C19orf18: variants seen among roughly 807,000 people sequenced by gnomAD.
The protein encoded by C19orf18 is chromosome 19 open reading frame 18, also known as uncharacterized protein C19orf18.
A neutral mutation model predicts 23.3 loss-of-function variants in C19orf18; 21 were observed. That is an observed-to-expected ratio of 0.90 (90% confidence interval 0.64 to 1.30). The LOEUF (loss-of-function observed/expected upper bound fraction) is 1.30, where lower values mean the gene tolerates loss of function less well. C19orf18 is among the 50% of genes most tolerant of loss of function. The probability of loss-of-function intolerance (pLI) is 0.00; values close to 1 mark genes in which losing one functional copy is unlikely to be tolerated. For synonymous variants in C19orf18, 96 were observed against 95.2 expected, an observed-to-expected ratio of 1.01 and a Z score of -0.05; for missense variants, 249 against 259.6, an observed-to-expected ratio of 0.96 and a Z score of 0.28.
intron 3 of C19orf18, among the ~76,000 whole-genome samples, chr19:57,969,413 G>A (rs1034338556): frequency 2.0e-5 from 3 of 150,886 alleles, no homozygotes; most frequent in Admixed American, 6.6e-5. Flanking sequence ...AAATTAGCCG[G>A]GTGTGGTGGT....
chr19:57,966,763 G>GT (rs11366837), intron 3 of C19orf18, 131 bp from the exon 4 acceptor site: 1,383 of 582,044 alleles, frequency 2.4e-3, no homozygotes, highest in East Asian at 2.8e-3. Flanking sequence ...AGCTTGTTTT[G>GT]TTTTTTTTTG....
At chr19:57,961,284 A>C (rs1479524716) in intron 5 of C19orf18, 107 bp downstream of exon 5, 1 of 1,165,106 alleles carries the variant, frequency 8.6e-7, no homozygotes. Flanking sequence ...GAAAGGAAAG[A>C]AAGAAAGAAA....
At position 57,966,076 on chromosome 19, in the gene C19orf18, C is replaced by T. The variant is rs559359543; in HGVS notation, c.371+454G>A. ...CACTGCAAGCTCCGCCTCCCGGGTTCACACCATTCTCCTGCCTCAGCCTCC... is the reference window on the plus strand; with the variant it reads ...CACTGCAAGCTCCGCCTCCCGGGTTTACACCATTCTCCTGCCTCAGCCTCC... On this transcript the variant is annotated intron_variant, in intron 4 of 5. Transcript: ENST00000314391. Among the ~76,000 whole-genome samples the T allele has an allele frequency of 2.1e-3, 313 of 151,540 alleles. 3 individuals are homozygous for T. Among genetic ancestry groups the T allele is most frequent in the Non-Finnish European group, 1.8e-3 (125 of 67,918 alleles).
rs987849211 is a variant in C19orf18 at position 57,958,442 on chromosome 19, A to G, written c.*160T>C. On this transcript the variant is annotated 3_prime_UTR_variant, in exon 6 of 6. Coordinates refer to ENST00000314391, the MANE Select transcript of C19orf18 (RefSeq NM_152474.5). ...TGAGAGCCAATAAGCAAGAGTTGCT[A>G]TATCATGTGGCTTTATTTTCTGGGA... 27 of 545,956 alleles carry G rather than the reference A, an allele frequency of 4.9e-5. No homozygotes were observed. The Admixed American group carries it at 9.2e-4, about 19-fold the overall frequency. 33.8% of individuals were successfully genotyped at this position (545,956 alleles called of 1,614,324 possible). A position where few individuals can be genotyped will look rare whatever the true frequency, so the allele number is the denominator to read the frequency against.
At chr19:57,960,889 C>G (rs2072864683) in intron 5 of C19orf18, among the ~76,000 whole-genome samples, 1 of 152,038 alleles carries the variant, frequency 6.6e-6, no homozygotes, top group Non-Finnish European at 1.5e-5. Context: ...CTTTGAAAAC[C>G]AAGCCACAGG....
Position 57,963,793 on chromosome 19 carries a change from G to A in C19orf18, c.372-2242C>T, listed in dbSNP as rs548927582. Among the ~76,000 whole-genome samples, 30 of 152,258 alleles carry A rather than the reference G, an allele frequency of 2.0e-4. No individual in the cohort carries two copies. In the South Asian group the frequency reaches 5.4e-3, roughly 27 times the overall value. On this transcript the variant is annotated intron_variant, in intron 4 of 5. Coordinates refer to ENST00000314391, the MANE Select transcript of C19orf18 (RefSeq NM_152474.5). ...TAGTCCCAGCTACTTGGGAGGCTGA[G>A]GCAGGAGAATGGCGTGAACCTGGGA...
rs532880945 is a variant in C19orf18, at chr19:57,974,212, G to C, written c.122-9C>G. ...TTGTGACCGTTTACTGCCTTGAAAAGAAAACTTTTTGCGGTGAAATGTAAT... is the reference window on the plus strand; with the variant it reads ...TTGTGACCGTTTACTGCCTTGAAAACAAAACTTTTTGCGGTGAAATGTAAT... On this transcript the variant is annotated splice_polypyrimidine_tract_variant and intron_variant, in intron 1 of 5. Coordinates refer to ENST00000314391, the MANE Select transcript of C19orf18 (RefSeq NM_152474.5). 6.2e-7 allele frequency: 1 copy of C among 1,613,596 alleles called. No homozygotes were observed. Among genetic ancestry groups the C allele is most frequent in the Non-Finnish European group, 8.5e-7 (1 of 1,179,910 alleles).
chr19:57,973,197 C>CCAGGCAGA (rs2072958774), intron 2 of C19orf18, among the ~76,000 whole-genome samples: 2 of 138,858 alleles, frequency 1.4e-5, no homozygotes. Flanking sequence ...GATCAGAGAG[C>CCAGGCAGA]CAGGCAGAGA....
chr19:57,959,358 C>T (rs1291983733), intron 5 of C19orf18, among the ~76,000 whole-genome samples: 1 of 152,116 alleles, frequency 6.6e-6, no homozygotes, highest in Non-Finnish European at 1.5e-5. Flanking sequence ...CGCAGTGGCT[C>T]ATGCCTGTAA....
At chr19:57,958,785 G>A (rs77115785) in intron 5 of C19orf18, 68 bp from the exon 6 acceptor site, 54,261 of 846,086 alleles carry the variant, frequency 0.064, 2,121 homozygotes, top group Middle Eastern at 0.083. Context: ...CAAAAGGGGT[G>A]AGGGAAAAAG....
At chr19:57,959,586 C>T (rs1600203316) in intron 5 of C19orf18, among the ~76,000 whole-genome samples, 1 of 151,966 alleles carries the variant, frequency 6.6e-6, no homozygotes, top group East Asian at 2.0e-4. Context: ...GATCACACCA[C>T]TGCACTCCAG....
chr19:57,973,132 T>A (rs1356288323), intron 2 of C19orf18, among the ~76,000 whole-genome samples: 21 of 99,014 alleles, frequency 2.1e-4, no homozygotes, highest in African/African-American at 8.8e-4. Flanking sequence ...GGTGACAGAG[T>A]GAGACTCCGT....
intron 4 of C19orf18, among the ~76,000 whole-genome samples, chr19:57,965,357 A>T (rs2072901266): frequency 6.7e-6 from 1 of 149,788 alleles, no homozygotes; most frequent in African/African-American, 2.5e-5. Flanking sequence ...CTAGTCTTGA[A>T]CTCCTGACCT....
At chr19:57,970,167 T>A (rs77327774) in intron 3 of C19orf18, among the ~76,000 whole-genome samples, 7,759 of 152,308 alleles carry the variant, frequency 0.051, 270 homozygotes, top group Middle Eastern at 0.12. Context: ...CTATGCAGCC[T>A]GAATCACAAG....
Position 57,958,638 on chromosome 19 carries a change from CTT to C in C19orf18, c.610_611del (p.Lys204GlufsTer5). 1 of 1,608,418 alleles carries C rather than the reference CTT, an allele frequency of 6.2e-7. No individual in the cohort carries two copies. The highest frequency in any genetic ancestry group is 1.1e-5 in the South Asian group (1 of 89,556). On this transcript the variant is annotated frameshift_variant, in exon 6 of 6. Coordinates refer to ENST00000314391, the MANE Select transcript of C19orf18 (RefSeq NM_152474.5). LOFTEE classifies it low-confidence loss of function (END_TRUNC). Reference sequence around the variant, plus strand: ...CCATTTTTCCATTATGTGACGCATTCTTTGTTTTGTTTTCTGTTACTGAGTTT... The same window carrying C: ...CCATTTTTCCATTATGTGACGCATTCTGTTTTGTTTTCTGTTACTGAGTTT... ...EQNSVTENKT[K>X]NASHNGKMED...
intron 4 of C19orf18, among the ~76,000 whole-genome samples, chr19:57,963,762 T>C (rs1158546308): frequency 1.3e-5 from 2 of 151,482 alleles, no homozygotes; most frequent in Non-Finnish European, 2.9e-5. Context: ...TGGTGGCGGG[T>C]GCCTGTAGTC....
chr19:57,959,301 C>A (rs756921689), intron 5 of C19orf18, among the ~76,000 whole-genome samples: 1 of 152,046 alleles, frequency 6.6e-6, no homozygotes, highest in Non-Finnish European at 1.5e-5. Context: ...CCAACCTGGG[C>A]AACATGGTGA....
At chr19:57,967,752 T>TAA (rs927749347) in intron 3 of C19orf18, among the ~76,000 whole-genome samples, 1 of 133,686 alleles carries the variant, frequency 7.5e-6, no homozygotes. Context: ...AACCCTGTCT[T>TAA]AAAAAAAAAA....
At chr19:57,968,624 TGA>T (rs1270683152) in intron 3 of C19orf18, among the ~76,000 whole-genome samples, 1 of 152,062 alleles carries the variant, frequency 6.6e-6, no homozygotes, top group Admixed American at 6.6e-5. Context: ...GAGAAATATA[TGA>T]GAAAGTCACC....
Sources: gnomAD v4.1 joint callset for allele counts (sites outside exome capture counted in the v4.1 genomes callset) on GRCh38, gnomAD v4.1.1 for gene constraint, MANE v1.5 for transcripts, NCBI Gene and HGNC (gene_info 2026-07-23, HGNC 2026-07-21) for gene names.